FOXJ3: variants seen among roughly 807,000 people sequenced by gnomAD.
The protein encoded by FOXJ3 is forkhead box J3, also known as forkhead box protein J3.
FOXJ3 carries 22 observed loss-of-function variants against 76.1 expected under a neutral mutation model. That is an observed-to-expected ratio of 0.29 (90% CI 0.21 to 0.41). The LOEUF (loss-of-function observed/expected upper bound fraction) is 0.41, where lower values mean the gene tolerates loss of function less well. FOXJ3 is among the 10% of genes least tolerant of loss of function. The pLI is 1.00. For missense variants in FOXJ3, 613 were observed against 762.1 expected (o/e 0.80, Z 2.30); for synonymous variants, 269 against 261.2 (o/e 1.03, Z -0.29).
At chr1:42,299,471 C>A (rs189094219) in intron 2 of FOXJ3, among the ~76,000 whole-genome samples, 3 of 147,188 alleles carry the variant, frequency 2.0e-5, no homozygotes, top group African/African-American at 7.5e-5. Context: ...TTTTTCACCT[C>A]TTTGAGTCTG....
At chr1:42,228,122 T>C (rs951055421) in intron 4 of FOXJ3, among the ~76,000 whole-genome samples, 156 bp from the exon 5 acceptor site, 1 of 152,120 alleles carries the variant, frequency 6.6e-6, no homozygotes, top group African/African-American at 2.4e-5. Flanking sequence ...AAAGATTATA[T>C]AAGAAAATAT....
chr1:42,183,955 G>C (rs938941788), intron 11 of FOXJ3, among the ~76,000 whole-genome samples: 3 of 152,124 alleles, frequency 2.0e-5, no homozygotes, highest in Non-Finnish European at 2.9e-5. Context: ...CCTTTTATCA[G>C]TGAAGTTTAT....
intron 2 of FOXJ3, among the ~76,000 whole-genome samples, chr1:42,300,441 T>C (rs1255070256): frequency 1.3e-5 from 2 of 152,134 alleles, no homozygotes; most frequent in Admixed American, 1.3e-4. Context: ...ACTTTATTTC[T>C]CCTTCATGTA....
intron 6 of FOXJ3, among the ~76,000 whole-genome samples, chr1:42,202,814 G>C (rs1646787761): frequency 6.6e-6 from 1 of 152,128 alleles, no homozygotes; most frequent in Non-Finnish European, 1.5e-5. Flanking sequence ...GGTATTAAAG[G>C]GGTGAGCCAC....
chr1:42,287,125 G>A (rs1166778491), intron 2 of FOXJ3, among the ~76,000 whole-genome samples: 1 of 151,852 alleles, frequency 6.6e-6, no homozygotes, highest in East Asian at 2.0e-4. Flanking sequence ...CAGATCACGA[G>A]GTCAGGAGTT....
At chr1:42,193,806 T>A (rs1432037748) in intron 8 of FOXJ3, among the ~76,000 whole-genome samples, 4 of 152,134 alleles carry the variant, frequency 2.6e-5, no homozygotes, top group Non-Finnish European at 5.9e-5. Flanking sequence ...CCCTCCAAAA[T>A]TCGTATGTTG....
intron 4 of FOXJ3, among the ~76,000 whole-genome samples, chr1:42,260,920 C>T (rs1187252819): frequency 6.6e-6 from 1 of 152,116 alleles, no homozygotes; most frequent in Non-Finnish European, 1.5e-5. Flanking sequence ...AACTTCTTAG[C>T]TATTTTCTCA....
chr1:42,323,465 G>A (rs1336783892), intron 1 of FOXJ3, among the ~76,000 whole-genome samples: 3 of 151,972 alleles, frequency 2.0e-5, no homozygotes, highest in Non-Finnish European at 4.4e-5. Flanking sequence ...AGCCAAGCTG[G>A]GTCTCTATTC....
intron 4 of FOXJ3, among the ~76,000 whole-genome samples, chr1:42,228,193 G>A (rs1042613963): frequency 3.9e-5 from 6 of 152,004 alleles, no homozygotes; most frequent in African/African-American, 1.4e-4. Context: ...CCAAATCCAA[G>A]AACTTCTGCC....
chr1:42,210,007 G>C (rs1448360876), intron 5 of FOXJ3, among the ~76,000 whole-genome samples: 1 of 152,152 alleles, frequency 6.6e-6, no homozygotes, highest in Non-Finnish European at 1.5e-5. Flanking sequence ...TATAGCCTGG[G>C]GCAGTTTTGA....
chr1:42,284,806 T>C (rs1652945744), intron 2 of FOXJ3, among the ~76,000 whole-genome samples: 1 of 152,240 alleles, frequency 6.6e-6, no homozygotes, highest in African/African-American at 2.4e-5. Context: ...GTGACTGAAA[T>C]TTAGCATTTC....
At chr1:42,302,150 T>C (rs1419407896) in intron 2 of FOXJ3, among the ~76,000 whole-genome samples, 1 of 152,210 alleles carries the variant, frequency 6.6e-6, no homozygotes, top group Non-Finnish European at 1.5e-5. Context: ...GTGAGCAGGC[T>C]TACTGCATCT....
At chr1:42,236,408 C>T (rs1314279308) in intron 4 of FOXJ3, among the ~76,000 whole-genome samples, 1 of 152,172 alleles carries the variant, frequency 6.6e-6, no homozygotes, top group African/African-American at 2.4e-5. Context: ...GTTGCCCAAG[C>T]TCATCTTGAA....
intron 7 of FOXJ3, among the ~76,000 whole-genome samples, chr1:42,198,078 T>C (rs1240707371): frequency 6.6e-6 from 1 of 152,206 alleles, no homozygotes; most frequent in Admixed American, 6.5e-5. Context: ...CCCCATTAAT[T>C]TCTTCTAGAA....
intron 2 of FOXJ3, among the ~76,000 whole-genome samples, chr1:42,297,890 A>AT (rs1333667542): frequency 6.6e-6 from 1 of 152,082 alleles, no homozygotes; most frequent in Admixed American, 6.5e-5. Flanking sequence ...GCTTTTCTTT[A>AT]TATGTCTGGC....
At chr1:42,240,709 C>T (rs1649069419) in intron 4 of FOXJ3, among the ~76,000 whole-genome samples, 1 of 152,076 alleles carries the variant, frequency 6.6e-6, no homozygotes, top group African/African-American at 2.4e-5. Flanking sequence ...AAAAAATAAT[C>T]AAAATGGATC....
intron 2 of FOXJ3, among the ~76,000 whole-genome samples, chr1:42,285,086 TC>T (rs1421081747): frequency 3.3e-5 from 5 of 152,236 alleles, no homozygotes; most frequent in Non-Finnish European, 7.3e-5. Context: ...TTATTTTCAA[TC>T]TTTTGTATTT....
intron 1 of FOXJ3, among the ~76,000 whole-genome samples, chr1:42,329,778 C>A (rs1246998736): frequency 1.3e-5 from 2 of 152,178 alleles, no homozygotes; most frequent in Admixed American, 6.5e-5. Context: ...AAAAGAAATG[C>A]GGATGCGATG....
intron 9 of FOXJ3, chr1:42,189,632 C>T (rs188497687): frequency 9.0e-5 from 38 of 420,778 alleles, no homozygotes; most frequent in African/African-American, 4.5e-4. Flanking sequence ...AGAGAAGTGA[C>T]ATAACTTAGC....
Sources: allele counts gnomAD v4.1 joint callset (sites outside exome capture counted in the v4.1 genomes callset), GRCh38; gene constraint gnomAD v4.1.1; transcripts MANE v1.5; gene names NCBI Gene and HGNC (gene_info 2026-07-23, HGNC 2026-07-21).